The following RPTOR variants were observed in gnomAD, a reference collection of about 807,000 sequenced individuals.
RPTOR encodes regulatory associated protein of MTOR complex 1.
A neutral mutation model predicts 169.9 loss-of-function variants in RPTOR; 21 were observed. The ratio of observed to expected loss-of-function variants is 0.12; its 90% confidence interval spans 0.09 to 0.18. RPTOR has a LOEUF of 0.18. RPTOR is among the 10% of genes least tolerant of loss of function. RPTOR has a pLI of 1.00. For synonymous variants in RPTOR, 732 were observed against 753.2 expected (o/e 0.97, Z 0.46); for missense variants, 1,133 against 1,855.9 (o/e 0.61, Z 7.16).
intron 3 of RPTOR, among the ~76,000 whole-genome samples, chr17:80,683,563 T>C (rs1017366132): frequency 7.9e-5 from 12 of 152,244 alleles, no homozygotes; most frequent in Non-Finnish European, 1.8e-4. Context: ...ACATCAGTTA[T>C]GATCGTGATG....
chr17:80,700,375 G>GGTGGTGGTGATGGTGGTA (rs1185463798), intron 3 of RPTOR, among the ~76,000 whole-genome samples: 2 of 150,640 alleles, frequency 1.3e-5, no homozygotes, highest in African/African-American at 4.9e-5. Context: ...ATAGATAAGT[G>GGTGGTGGTGATGGTGGTA]GTGGTGGTGA....
At chr17:80,813,745 C>G (rs7213109) in intron 7 of RPTOR, among the ~76,000 whole-genome samples, 91 of 152,290 alleles carry the variant, frequency 6.0e-4, no homozygotes, top group African/African-American at 2.0e-3. Context: ...CCAGCCCAAG[C>G]TTCTCTACAC....
At chr17:80,836,646 G>C (rs577192891) in intron 9 of RPTOR, among the ~76,000 whole-genome samples, 1 of 152,318 alleles carries the variant, frequency 6.6e-6, no homozygotes, top group Middle Eastern at 3.4e-3. Flanking sequence ...CAGAGCCACA[G>C]AAAGGCTTAG....
intron 11 of RPTOR, among the ~76,000 whole-genome samples, chr17:80,852,779 C>T (rs2067807358): frequency 6.6e-6 from 1 of 151,974 alleles, no homozygotes. Context: ...CTCCACGGCT[C>T]CCCAGGGCCC....
intron 24 of RPTOR, among the ~76,000 whole-genome samples, chr17:80,935,555 A>G (rs1021760572): frequency 1.3e-5 from 2 of 152,230 alleles, no homozygotes; most frequent in African/African-American, 2.4e-5. Flanking sequence ...CTACACAAAT[A>G]TGTTCAATTG....
At chr17:80,614,122 A>G (rs1018425147) in intron 1 of RPTOR, among the ~76,000 whole-genome samples, 1 of 152,162 alleles carries the variant, frequency 6.6e-6, no homozygotes, top group African/African-American at 2.4e-5. Context: ...GGGCTCAAAG[A>G]TAAGCCAGGC....
At position 80,721,805 on chromosome 17, in the gene RPTOR, T is replaced by G. The variant is rs1001266731; in HGVS notation, c.508-8755T>G. ...AGGCTTAAGATAGCCAGAAGGACAT[T>G]TCTGCTAGAAAGTTATTGCCAGCTG... On this transcript the variant is annotated intron_variant, in intron 4 of 33. Transcript: ENST00000306801. The surrounding 1 kb of genome is among the most constrained non-coding windows in gnomAD (Gnocchi z 4.7). Among the ~76,000 whole-genome samples, 4 of 151,258 alleles carry G rather than the reference T, an allele frequency of 2.6e-5. No homozygotes were observed. Among genetic ancestry groups the G allele is most frequent in the African/African-American group, 9.9e-5 (4 of 40,544 alleles).
chr17:80,545,390 T>G lies in RPTOR; in HGVS notation c.-240T>G. 2.4e-6 allele frequency: 1 copy of G among 409,652 alleles called. No homozygotes were observed. The highest frequency in any genetic ancestry group is 4.4e-6 in the Non-Finnish European group (1 of 228,114). The allele number at this position is 409,652 out of a possible 1,614,324, so 25.4% of individuals were successfully genotyped here. Reference sequence around the variant, plus strand: ...CTTGGGACCTGGGGTGGTGTGTGTCTGCGGAGCTTCTTGGGCTGCCCCATT... The same window carrying G: ...CTTGGGACCTGGGGTGGTGTGTGTCGGCGGAGCTTCTTGGGCTGCCCCATT... On this transcript the variant is annotated 5_prime_UTR_variant, in exon 1 of 34. Transcript: ENST00000306801.
chr17:80,837,828 C>A, intron 9 of RPTOR, 94 bp from the exon 10 acceptor site: 1 of 1,211,340 alleles, frequency 8.3e-7, no homozygotes, highest in East Asian at 2.5e-5. Flanking sequence ...CCCTTGCTGC[C>A]CAGGCTCAGC....
chr17:80,942,970 G>A lies in RPTOR; in HGVS notation c.3025+2369G>A, dbSNP rs377392256. On this transcript the variant is annotated intron_variant, in intron 25 of 33. Coordinates refer to ENST00000306801, the MANE Select transcript of RPTOR (RefSeq NM_020761.3). The stretch of plus-strand genomic sequence containing the variant: ...ACCACTAGGGTAACACGGTGCTGCC[G>A]CCGCACCAAAGCCTTCGGGCCTGCC... Among the ~76,000 whole-genome samples the A allele has an allele frequency of 9.2e-5, 14 of 152,362 alleles. No homozygotes were observed. In the East Asian group the frequency reaches 1.2e-3, roughly 13 times the overall value.
In RPTOR at chr17:80,844,908, T is replaced by TC. The variant is rs1598348773; in HGVS notation, c.1213-1559dup. Among the ~76,000 whole-genome samples, 3 of 150,218 alleles carry TC rather than the reference T, an allele frequency of 2.0e-5. No homozygotes were observed. Among genetic ancestry groups the TC allele is most frequent in the Admixed American group, 6.6e-5 (1 of 15,162 alleles). ...GCACCTCCACTGCGGCCACCCACCT[T>TC]CCCCCCGAGCAAAATCAAACAACGT... On this transcript the variant is annotated intron_variant, in intron 10 of 33. Coordinates refer to ENST00000306801, the MANE Select transcript of RPTOR (RefSeq NM_020761.3). This position sits in a 1 kb window ranked among gnomAD's most constrained non-coding sequence, Gnocchi z 4.7.
intron 3 of RPTOR, among the ~76,000 whole-genome samples, chr17:80,665,202 G>A (rs1271760061): frequency 4.6e-5 from 7 of 152,168 alleles, no homozygotes; most frequent in South Asian, 2.1e-4. Context: ...GTGGTTTGCC[G>A]GTTGTTACAC....
intron 1 of RPTOR, among the ~76,000 whole-genome samples, chr17:80,600,746 C>T (rs189675579): frequency 1.3e-5 from 2 of 152,200 alleles, no homozygotes; most frequent in African/African-American, 2.4e-5. Flanking sequence ...CCTTGGGGGC[C>T]CTGGGGAGGT....
chr17:80,589,697 G>C (rs528345959), intron 1 of RPTOR, among the ~76,000 whole-genome samples: 1 of 152,096 alleles, frequency 6.6e-6, no homozygotes, highest in African/African-American at 2.4e-5. Context: ...CTTAGAAATT[G>C]TGTGTTGTTT....
intron 6 of RPTOR, among the ~76,000 whole-genome samples, chr17:80,755,354 A>C (rs982794404): frequency 6.6e-6 from 1 of 152,096 alleles, no homozygotes; most frequent in Non-Finnish European, 1.5e-5. Flanking sequence ...TAATCCTAGC[A>C]CTTTAGGAGG....
chr17:80,731,442 A>T (rs901851770), intron 5 of RPTOR, among the ~76,000 whole-genome samples: 1 of 152,088 alleles, frequency 6.6e-6, no homozygotes, highest in African/African-American at 2.4e-5. Context: ...AGCTAAAATG[A>T]TAGAAAACAA....
At position 80,947,211 on chromosome 17, in the gene RPTOR, C is replaced by G; in HGVS notation, c.3141-16C>G. On this transcript the variant is annotated splice_polypyrimidine_tract_variant and intron_variant, in intron 26 of 33. Transcript: ENST00000306801. The surrounding 1 kb of genome is among the most constrained non-coding windows in gnomAD (Gnocchi z 4.4). ...GTTTCCTAATGACTTTTTTATTCCT[C>G]TCTTCTTCCCTTAAGCTTTTGGGAC... The G allele has an allele frequency of 6.4e-7, 1 of 1,565,322 alleles. No homozygotes were observed. The highest frequency in any genetic ancestry group is 8.6e-7 in the Non-Finnish European group (1 of 1,161,492).
Position 80,695,898 on chromosome 17 carries a change from C to T in RPTOR, c.349-11943C>T, listed in dbSNP as rs894098681. 6.6e-6 allele frequency among the ~76,000 whole-genome samples: 1 copy of T among 152,172 alleles called. No individual in the cohort carries two copies. ...CATGGCCTCGTGGCTGCCTTTTCTA[C>T]CTGCGTGAGCTGGCTTTGATCTACC... On this transcript the variant is annotated intron_variant, in intron 3 of 33. Transcript: ENST00000306801. The surrounding 1 kb of genome is among the most constrained non-coding windows in gnomAD (Gnocchi z 4.9).
intron 17 of RPTOR, among the ~76,000 whole-genome samples, chr17:80,887,949 G>A (rs996286812): frequency 3.3e-5 from 5 of 152,052 alleles, no homozygotes; most frequent in African/African-American, 9.7e-5. Context: ...GAAGGGCCAG[G>A]CCAGGGGTGC....
Sources: gnomAD v4.1 joint callset for allele counts (sites outside exome capture counted in the v4.1 genomes callset) on GRCh38, gnomAD v4.1.1 for gene constraint, Gnocchi (gnomAD v3.1) non-coding constraint, MANE v1.5 for transcripts, NCBI Gene and HGNC (gene_info 2026-07-23, HGNC 2026-07-21) for gene names.